Variants in RUNX1 observed in about 807,000 individuals in gnomAD.
The protein encoded by RUNX1 is runt-related transcription factor 1.
In RUNX1, 19 loss-of-function variants were observed where a neutral mutation model predicts 42.8. The observed-to-expected ratio is 0.44, with a 90% CI of 0.31 to 0.65. The LOEUF (loss-of-function observed/expected upper bound fraction) is 0.65, where lower values mean the gene tolerates loss of function less well. Ranked by LOEUF, RUNX1 falls within the 30% of genes least tolerant of loss-of-function variation. The pLI, the probability that RUNX1 is intolerant of heterozygous loss-of-function variation, is 0.07. For synonymous variants in RUNX1, 271 were observed against 289.4 expected (o/e 0.94, Z 0.64); for missense variants, 528 against 672.0 (o/e 0.79, Z 2.37).
At chr21:34,956,747 C>T (rs2058647144) in intron 2 of RUNX1, among the ~76,000 whole-genome samples, 1 of 152,130 alleles carries the variant, frequency 6.6e-6, no homozygotes, top group Non-Finnish European at 1.5e-5. Context: ...ACATTTGAGC[C>T]CATTTGCCCC....
intron 2 of RUNX1, among the ~76,000 whole-genome samples, chr21:35,009,985 T>TCACACGCTGG (rs2059113942): frequency 6.6e-6 from 1 of 152,214 alleles, no homozygotes; most frequent in Non-Finnish European, 1.5e-5. Context: ...CACACGCTGG[T>TCACACGCTGG]ATAACTAGGC....
chr21:35,015,783 C>T (rs956570475), intron 2 of RUNX1, among the ~76,000 whole-genome samples: 1 of 152,180 alleles, frequency 6.6e-6, no homozygotes, highest in Non-Finnish European at 1.5e-5. Context: ...ATGGAGTAAG[C>T]GTTGTCCCTG....
Position 34,888,519 on chromosome 21 carries a change from A to C in RUNX1, c.98-1423T>G, listed in dbSNP as rs1024283265. 2.9e-5 allele frequency: 31 copies of C among 1,064,990 alleles called. No individual in the cohort carries two copies. The African/African-American group carries it at 4.8e-4, about 16-fold the overall frequency. 66.0% of individuals were successfully genotyped at this position (1,064,990 alleles called of 1,614,324 possible). A position where few individuals can be genotyped will look rare whatever the true frequency, so the allele number is the denominator to read the frequency against. ...AAGGGGAAAAACAAAAAAAAACAAC[A>C]AAAAAAGGAAGGTCCAACGCAGGCC... On this transcript the variant is annotated intron_variant, in intron 3 of 8. Coordinates refer to ENST00000675419, the MANE Select transcript of RUNX1 (RefSeq NM_001754.5).
intron 5 of RUNX1, among the ~76,000 whole-genome samples, chr21:34,870,953 T>C (rs1365095300): frequency 1.3e-5 from 2 of 150,650 alleles, no homozygotes; most frequent in Non-Finnish European, 2.9e-5. Context: ...CGAGACTCCA[T>C]CTCAAAAAAA....
At chr21:34,934,259 G>GT (rs201204103) in intron 2 of RUNX1, among the ~76,000 whole-genome samples, 25 of 151,170 alleles carry the variant, frequency 1.7e-4, no homozygotes, top group African/African-American at 5.1e-4. Context: ...TTTGAGTCAA[G>GT]TTTTTTTTTA....
chr21:34,806,298 C>T (rs1285811173), intron 7 of RUNX1, among the ~76,000 whole-genome samples: 1 of 151,996 alleles, frequency 6.6e-6, no homozygotes, highest in Non-Finnish European at 1.5e-5. Context: ...AAAAGGTACA[C>T]CATGCTAACA....
rs2057641884 is a variant in RUNX1 at position 34,865,279 on chromosome 21, C to CAT, written c.509-5702_509-5701insAT. On this transcript the variant is annotated intron_variant, in intron 5 of 8. Transcript: ENST00000675419. Reference sequence around the variant, plus strand: ...GTCTGACATGAGGAGGGGTTTTGTGCGTGTGTGTGTGTGTGTGTGTGTGTG... The same window carrying CAT: ...GTCTGACATGAGGAGGGGTTTTGTGCATGTGTGTGTGTGTGTGTGTGTGTGTG... 1.2e-4 allele frequency among the ~76,000 whole-genome samples: 16 copies of CAT among 132,472 alleles called. No homozygotes were observed. The South Asian group carries it at 3.8e-3, about 31-fold the overall frequency. The allele number at this position is 132,472 out of a possible 152,430, so 86.9% of individuals were successfully genotyped here.
At chr21:34,866,783 T>C (rs2057669323) in intron 5 of RUNX1, among the ~76,000 whole-genome samples, 1 of 152,236 alleles carries the variant, frequency 6.6e-6, no homozygotes, top group Non-Finnish European at 1.5e-5. Flanking sequence ...GCAAAGTGCC[T>C]GTATTTGCAG....
At chr21:35,020,827 T>A (rs533911526) in intron 2 of RUNX1, among the ~76,000 whole-genome samples, 3 of 152,344 alleles carry the variant, frequency 2.0e-5, no homozygotes, top group African/African-American at 7.2e-5. Context: ...GTCTCATTTA[T>A]AAAATGTATT....
At chr21:34,846,933 G>A (rs890574831) in intron 6 of RUNX1, among the ~76,000 whole-genome samples, 14 of 152,310 alleles carry the variant, frequency 9.2e-5, no homozygotes, top group Non-Finnish European at 1.3e-4. Flanking sequence ...TGCAGTTTTT[G>A]ACTCGTCCTG....
intron 4 of RUNX1, among the ~76,000 whole-genome samples, chr21:34,882,556 T>A (rs957348267): frequency 6.6e-6 from 1 of 152,216 alleles, no homozygotes; most frequent in Non-Finnish European, 1.5e-5. Context: ...CACCCTCTAA[T>A]TAGCTATTTA....
At chr21:34,977,962 C>T (rs955146002) in intron 2 of RUNX1, among the ~76,000 whole-genome samples, 1 of 151,580 alleles carries the variant, frequency 6.6e-6, no homozygotes, top group Non-Finnish European at 1.5e-5. Context: ...CTCTCTGTCG[C>T]CCAGGCTGGA....
At position 34,887,447 on chromosome 21, in the gene RUNX1, C is replaced by G. The variant is rs1173911798; in HGVS notation, c.98-351G>C. ...TCTGTCTTTGGCTGTTAGAAAAGTTCCTGAAGGCAAAATTCTCATACACTT... is the reference window on the plus strand; with the variant it reads ...TCTGTCTTTGGCTGTTAGAAAAGTTGCTGAAGGCAAAATTCTCATACACTT... On this transcript the variant is annotated intron_variant, in intron 3 of 8. Transcript: ENST00000675419. 6 of 1,293,178 alleles carry G rather than the reference C, an allele frequency of 4.6e-6. No homozygotes were observed. In the East Asian group the frequency reaches 1.6e-4, roughly 33 times the overall value. 80.1% of individuals were successfully genotyped at this position (1,293,178 alleles called of 1,614,324 possible).
chr21:34,954,683 C>A (rs984942209), intron 2 of RUNX1, among the ~76,000 whole-genome samples: 1 of 152,116 alleles, frequency 6.6e-6, no homozygotes, highest in African/African-American at 2.4e-5. Context: ...TCCCACCCAC[C>A]CTCTCTCCCC....
At chr21:34,794,605 A>G (rs574162241) in intron 8 of RUNX1, among the ~76,000 whole-genome samples, 1 of 152,318 alleles carries the variant, frequency 6.6e-6, no homozygotes, top group African/African-American at 2.4e-5. Context: ...ATGGATTTAC[A>G]GTTTCACCAA....
intron 5 of RUNX1, among the ~76,000 whole-genome samples, chr21:34,864,293 G>A (rs558894427): frequency 6.6e-6 from 1 of 152,354 alleles, no homozygotes; most frequent in South Asian, 2.1e-4. Context: ...ACATGGGTGT[G>A]GAGCACAAAA....
intron 2 of RUNX1, among the ~76,000 whole-genome samples, chr21:34,940,125 C>T (rs1407633779): frequency 1.3e-5 from 2 of 151,888 alleles, no homozygotes; most frequent in East Asian, 1.9e-4. Context: ...GGTTTTTTTG[C>T]TGTGCATGCC....
At chr21:34,828,372 G>T (rs181699751) in intron 7 of RUNX1, among the ~76,000 whole-genome samples, 15 of 152,296 alleles carry the variant, frequency 9.8e-5, no homozygotes, top group Admixed American at 4.6e-4. Flanking sequence ...TATTATAGTA[G>T]ACTTGTTTTT....
At chr21:35,011,966 T>A (rs551211171) in intron 2 of RUNX1, among the ~76,000 whole-genome samples, 1 of 152,218 alleles carries the variant, frequency 6.6e-6, no homozygotes, top group South Asian at 2.1e-4. Context: ...TTCTCTTTTG[T>A]ATGTTTTTCT....
Sources: allele counts gnomAD v4.1 joint callset (sites outside exome capture counted in the v4.1 genomes callset), GRCh38; gene constraint gnomAD v4.1.1; transcripts MANE v1.5; gene names NCBI Gene and HGNC (gene_info 2026-07-23, HGNC 2026-07-21).